TTC17: variants seen among roughly 807,000 people sequenced by gnomAD.
TTC17 encodes the protein tetratricopeptide repeat protein 17.
In TTC17, 58 loss-of-function variants were observed where a neutral mutation model predicts 143.8. That is an observed-to-expected ratio of 0.40 (90% CI 0.33 to 0.50). TTC17 has a LOEUF of 0.50. Ranked by LOEUF, TTC17 falls within the 20% of genes least tolerant of loss-of-function variation. TTC17 has a pLI of 0.49. For missense variants in TTC17, 1,273 were observed against 1,392.5 expected, an observed-to-expected ratio of 0.91 and a Z score of 1.37; for synonymous variants, 501 against 497.8, an observed-to-expected ratio of 1.01 and a Z score of -0.09.
At chr11:43,444,231 GC>G in intron 18 of TTC17, 22 bp downstream of exon 18, 1 of 1,583,000 alleles carries the variant, frequency 6.3e-7, no homozygotes, top group South Asian at 1.2e-5. Flanking sequence ...TGTTTAATAT[GC>G]CAGTTTCTTG....
intron 21 of TTC17, among the ~76,000 whole-genome samples, chr11:43,463,941 G>C (rs927564140): frequency 5.3e-5 from 8 of 152,198 alleles, no homozygotes; most frequent in Non-Finnish European, 1.0e-4. Context: ...ATCAGTGAAA[G>C]GAAATGTATG....
At chr11:43,446,461 T>G (rs1204580065) in intron 18 of TTC17, 1 of 285,580 alleles carries the variant, frequency 3.5e-6, no homozygotes, top group African/African-American at 2.3e-5. Context: ...ACCCCTAGTG[T>G]CTTTTATGGT....
At chr11:43,434,233 T>A (rs757436619) in intron 16 of TTC17, among the ~76,000 whole-genome samples, 35 of 130,428 alleles carry the variant, frequency 2.7e-4, no homozygotes, top group Non-Finnish European at 4.1e-4. Flanking sequence ...ACACACACAC[T>A]CTCATGGCCT....
intron 7 of TTC17, among the ~76,000 whole-genome samples, 180 bp downstream of exon 7, chr11:43,397,671 C>CA (rs1262005700): frequency 6.6e-6 from 1 of 150,668 alleles, no homozygotes; most frequent in African/African-American, 2.4e-5. Context: ...AGCCTCTTGC[C>CA]AAAAAAACAA....
chr11:43,461,243 G>C (rs1947859539), intron 21 of TTC17, among the ~76,000 whole-genome samples: 1 of 152,124 alleles, frequency 6.6e-6, no homozygotes, highest in East Asian at 1.9e-4. Flanking sequence ...AATTAGCCGG[G>C]CGCAGTGGCG....
intron 1 of TTC17, among the ~76,000 whole-genome samples, chr11:43,376,669 T>C (rs1856774264): frequency 6.6e-6 from 1 of 152,202 alleles, no homozygotes; most frequent in Admixed American, 6.5e-5. Context: ...TTTTACACGT[T>C]GTATATGACA....
chr11:43,463,508 AT>A (rs200698432), intron 21 of TTC17, among the ~76,000 whole-genome samples: 4,669 of 150,490 alleles, frequency 0.031, 110 homozygotes, highest in South Asian at 0.13. Flanking sequence ...ACCTTAGGCA[AT>A]TTTTTTTTTA....
At chr11:43,484,921 C>T (rs184548322) in intron 21 of TTC17, among the ~76,000 whole-genome samples, 6 of 151,924 alleles carry the variant, frequency 3.9e-5, no homozygotes, top group East Asian at 1.9e-4. Flanking sequence ...GCTGTACATG[C>T]GAGGGATCTA....
At chr11:43,471,399 A>T (rs1306505449) in intron 21 of TTC17, among the ~76,000 whole-genome samples, 1 of 152,236 alleles carries the variant, frequency 6.6e-6, no homozygotes. Flanking sequence ...AGTCGCAGAC[A>T]TAAATTCTCA....
intron 9 of TTC17, among the ~76,000 whole-genome samples, chr11:43,400,488 C>A (rs1358697152): frequency 1.3e-5 from 2 of 152,152 alleles, no homozygotes; most frequent in African/African-American, 4.8e-5. Context: ...CTATGGGTAA[C>A]AAGGCCTTAC....
At chr11:43,394,503 C>G (rs1261509886) in intron 5 of TTC17, among the ~76,000 whole-genome samples, 1 of 152,054 alleles carries the variant, frequency 6.6e-6, no homozygotes, top group African/African-American at 2.4e-5. Context: ...AGGACTTGAA[C>G]TATTCAGGAG....
At position 43,407,235 on chromosome 11, in the gene TTC17, C is replaced by T; in HGVS notation, c.1839+20C>T. The T allele has an allele frequency of 6.4e-7, 1 of 1,565,052 alleles. No homozygotes were observed. Among genetic ancestry groups the T allele is most frequent in the Non-Finnish European group, 8.7e-7 (1 of 1,154,020 alleles). Reference sequence around the variant, plus strand: ...AATAAGGTGAGTCATTTACTTTAGACATCTAAAACTTAAATGCTTCTTAAT... The same window carrying T: ...AATAAGGTGAGTCATTTACTTTAGATATCTAAAACTTAAATGCTTCTTAAT... On this transcript the variant is annotated intron_variant, in intron 14 of 23. Coordinates refer to ENST00000039989, the MANE Select transcript of TTC17 (RefSeq NM_018259.6).
chr11:43,447,947 C>A, intron 18 of TTC17, 55 bp from the exon 19 acceptor site: 1 of 1,598,420 alleles, frequency 6.3e-7, no homozygotes, highest in East Asian at 2.2e-5. Flanking sequence ...GCATAAGGCC[C>A]TTTGGGTTCT....
chr11:43,425,335 T>A (rs1200924687), intron 16 of TTC17, among the ~76,000 whole-genome samples: 2 of 152,146 alleles, frequency 1.3e-5, no homozygotes, highest in African/African-American at 4.8e-5. Flanking sequence ...AAAAAAAATT[T>A]TTTTTTAATT....
At chr11:43,478,800 A>AT (rs34816477) in intron 21 of TTC17, among the ~76,000 whole-genome samples, 1 of 151,838 alleles carries the variant, frequency 6.6e-6, no homozygotes, top group Admixed American at 6.6e-5. Context: ...TAATTTTTAA[A>AT]TTTTTTTCAT....
At chr11:43,468,390 A>G (rs1335103389) in intron 21 of TTC17, 1 of 152,282 alleles carries the variant, frequency 6.6e-6, no homozygotes, top group African/African-American at 2.4e-5. Flanking sequence ...GCACGACAGC[A>G]TTTGAATGAA....
At chr11:43,489,075 G>A (rs1161194126) in intron 21 of TTC17, among the ~76,000 whole-genome samples, 1 of 152,148 alleles carries the variant, frequency 6.6e-6, no homozygotes, top group Non-Finnish European at 1.5e-5. Flanking sequence ...ACCAAATTCT[G>A]TAGCAATCAA....
At position 43,396,445 on chromosome 11, in the gene TTC17, T is replaced by G. The variant is rs755058098; in HGVS notation, c.664-264T>G. On this transcript the variant is annotated intron_variant, in intron 5 of 23. Coordinates refer to ENST00000039989, the MANE Select transcript of TTC17 (RefSeq NM_018259.6). ...ATCAGTTGGTGGGATTTTTCTTATT[T>G]CCCTCTTGGAATAAGCTGGAGTTGG... 19 of 237,608 alleles carry G rather than the reference T, an allele frequency of 8.0e-5. 1 individual carries two copies. Among genetic ancestry groups the G allele is most frequent in the Non-Finnish European group, 4.0e-5 (5 of 124,332 alleles). 14.7% of individuals were successfully genotyped at this position (237,608 alleles called of 1,614,324 possible).
At chr11:43,471,979 A>G (rs1948101463) in intron 21 of TTC17, among the ~76,000 whole-genome samples, 1 of 152,230 alleles carries the variant, frequency 6.6e-6, no homozygotes, top group East Asian at 1.9e-4. Flanking sequence ...GAGTACTGAC[A>G]TTATCAACTG....
Sources: gnomAD v4.1 joint callset for allele counts (sites outside exome capture counted in the v4.1 genomes callset) on GRCh38, gnomAD v4.1.1 for gene constraint, MANE v1.5 for transcripts, NCBI Gene and HGNC (gene_info 2026-07-23, HGNC 2026-07-21) for gene names.